The following PRAM1 variants were observed in gnomAD, a reference collection of about 807,000 sequenced individuals.
PRAM1 encodes the protein PML-RARA regulated adaptor molecule 1, also known as PML-RARA-regulated adapter molecule 1.
A neutral mutation model predicts 55.3 loss-of-function variants in PRAM1; 41 were observed. The ratio of observed to expected loss-of-function variants is 0.74; its 90% CI spans 0.58 to 0.96. The LOEUF (loss-of-function observed/expected upper bound fraction) is 0.96. Ranked by LOEUF, PRAM1 falls within the 40% of genes least tolerant of loss-of-function variation. PRAM1 has a pLI of 0.00. For synonymous variants in PRAM1, 401 were observed against 387.1 expected, an observed-to-expected ratio of 1.04 and a Z score of -0.42; for missense variants, 898 against 892.7, an observed-to-expected ratio of 1.01 and a Z score of -0.08.
chr19:8,491,287 G>A, intron 4 of PRAM1, 130 bp from the exon 5 acceptor site: 1 of 953,164 alleles, frequency 1.0e-6, no homozygotes, highest in South Asian at 1.4e-5. Context: ...AGGCTGGAGT[G>A]CAATGGCACA....
rs115876394 is a variant in PRAM1 at position 8,499,403 on chromosome 19, C to G, written c.405G>C (p.Gly135=). The G allele has an allele frequency of 3.8e-3, 6,185 of 1,612,294 alleles. 219 individuals are homozygous for G. In the African/African-American group the frequency reaches 0.07, roughly 18 times the overall value. ...SDLSKKFPQL[G]ATPFPRKPLQ... ...GGGGCTTCCTTGGAAACGGAGTGGC[C>G]CCCAGCTGTGGGAACTTCTTGGAGA... Residue 135 remains glycine (G), a synonymous_variant, in exon 2 of 10, where the codon GGG becomes GGC. Coordinates refer to ENST00000423345, the MANE Select transcript of PRAM1 (RefSeq NM_032152.5).
intron 4 of PRAM1, 79 bp from the exon 5 acceptor site, chr19:8,491,236 T>G (rs1971625693): frequency 2.8e-6 from 4 of 1,436,754 alleles, no homozygotes; most frequent in Non-Finnish European, 3.8e-6. Flanking sequence ...TTTGTTTGTT[T>G]TTGTGTTTTT....
chr19:8,497,173 C>CTT (rs34873845), intron 4 of PRAM1, among the ~76,000 whole-genome samples: 5 of 118,874 alleles, frequency 4.2e-5, no homozygotes, highest in Non-Finnish European at 6.8e-5. Context: ...CCAAATCCTG[C>CTT]TTTTTTTTTT....
rs1609711 is a variant in PRAM1 at position 8,501,762 on chromosome 19, C to A, written c.27+803G>T. On this transcript the variant is annotated intron_variant, in intron 1 of 9. Coordinates refer to ENST00000423345, the MANE Select transcript of PRAM1 (RefSeq NM_032152.5). ...TCCCTCTCACACCGTCTCTGACATGCGGGCTGATGGTCAGGAATGCTCACA... is the reference window on the plus strand; with the variant it reads ...TCCCTCTCACACCGTCTCTGACATGAGGGCTGATGGTCAGGAATGCTCACA... 2.3e-3 allele frequency among the ~76,000 whole-genome samples: 357 copies of A among 152,258 alleles called. 1 individual carries two copies. Among genetic ancestry groups the A allele is most frequent in the African/African-American group, 8.1e-3 (336 of 41,550 alleles).
rs767211263 is a variant in PRAM1 at position 8,498,858 on chromosome 19, A to C, written c.950T>G (p.Leu317Arg). 7 of 1,607,894 alleles carry C rather than the reference A, an allele frequency of 4.4e-6. No individual in the cohort carries two copies. The African/African-American group carries it at 9.5e-5, about 22-fold the overall frequency. ...CTCGGGCTGCGGGGGCTTCTTGGAGAGCGCTTTGAATTCGGCCGGCCGCGG... is the reference window on the plus strand; with the variant it reads ...CTCGGGCTGCGGGGGCTTCTTGGAGCGCGCTTTGAATTCGGCCGGCCGCGG... ...KRPRPAEFKA[L>R]SKKPPQPELG... is the part of the protein sequence containing the mutation. Residue 317 changes from leucine (L) to arginine (R), a missense_variant, in exon 2 of 10, where the codon CTC becomes CGC. Leu to Arg is a moderately radical substitution (Grantham distance 102). Around this residue, in one of 4 missense-constraint regions of PRAM1, gnomAD observed 787 missense variants for 735.4 expected, o/e 1.07. Coordinates refer to ENST00000423345, the MANE Select transcript of PRAM1 (RefSeq NM_032152.5).
intron 4 of PRAM1, among the ~76,000 whole-genome samples, chr19:8,494,538 C>T (rs577806379): frequency 7.2e-5 from 11 of 152,312 alleles, no homozygotes; most frequent in East Asian, 1.9e-4. Flanking sequence ...CTCTGGCCCC[C>T]GCTGAAAGCC....
chr19:8,490,588 A>C lies in PRAM1; in HGVS notation c.1906+6T>G. The stretch of plus-strand genomic sequence containing the variant: ...CTCCCGGGGCTGCGGGGCCGGGCGC[A>C]CTCACATTTGCCTTTGGGGTCCCGG... On this transcript the variant is annotated splice_donor_region_variant and intron_variant, in intron 7 of 9. Coordinates refer to ENST00000423345, the MANE Select transcript of PRAM1 (RefSeq NM_032152.5). The surrounding 1 kb of genome is among the most constrained non-coding windows in gnomAD (Gnocchi z 7.3). 1 of 1,586,804 alleles carries C rather than the reference A, an allele frequency of 6.3e-7. No homozygotes were observed. The highest frequency in any genetic ancestry group is 8.6e-7 in the Non-Finnish European group (1 of 1,166,716).
At position 8,490,747 on chromosome 19, in the gene PRAM1, C is replaced by T; in HGVS notation, c.1753G>A (p.Glu585Lys). 6.2e-7 allele frequency: 1 copy of T among 1,609,650 alleles called. No homozygotes were observed. Among genetic ancestry groups the T allele is most frequent in the Non-Finnish European group, 8.5e-7 (1 of 1,179,716 alleles). The change falls in exon 7 of 10, where the codon GAG becomes AAG. Residue 585 changes from glutamate to lysine, a missense_variant. This residue lies in a region of PRAM1 where 787 missense variants were observed against 735.4 expected (regional missense o/e 1.07). Coordinates refer to ENST00000423345, the MANE Select transcript of PRAM1 (RefSeq NM_032152.5). This position sits in a 1 kb window ranked among gnomAD's most constrained non-coding sequence, Gnocchi z 7.3. The stretch of plus-strand genomic sequence containing the variant: ...ATCATCTTCGTGTGAACCACGATCT[C>T]CCCTTCAAACTGGGGCGCGAGATGT... ...EFRKKFKFEG[E>K]IVVHTKMMID...
At chr19:8,500,309 G>A (rs945002185) in intron 1 of PRAM1, among the ~76,000 whole-genome samples, 7 of 151,466 alleles carry the variant, frequency 4.6e-5, no homozygotes, top group East Asian at 2.0e-4. Context: ...AAACACATCC[G>A]GAATCCAACC....
chr19:8,494,776 C>T (rs527994452), intron 4 of PRAM1, among the ~76,000 whole-genome samples: 100 of 151,218 alleles, frequency 6.6e-4, no homozygotes, highest in African/African-American at 2.4e-3. Flanking sequence ...GGATTACAGG[C>T]GCCTGCTACC....
rs988243819 is a variant in PRAM1, at chr19:8,493,862, A to G, written c.1577-2705T>C. Among the ~76,000 whole-genome samples the G allele has an allele frequency of 5.3e-5, 8 of 151,878 alleles. No homozygotes were observed. Among genetic ancestry groups the G allele is most frequent in the African/African-American group, 1.9e-4 (8 of 41,406 alleles). On this transcript the variant is annotated intron_variant, in intron 4 of 9. Coordinates refer to ENST00000423345, the MANE Select transcript of PRAM1 (RefSeq NM_032152.5). This position sits in a 1 kb window ranked among gnomAD's most constrained non-coding sequence, Gnocchi z 4.1. ...GCCCAGGCTGGAGTGCAGAGGTGCA[A>G]TCTCGGCTCATTGCAGCCTCCATCT...
rs561836671 is a variant in PRAM1 at position 8,498,682 on chromosome 19, C to T, written c.1126G>A (p.Gly376Ser). The T allele has an allele frequency of 6.8e-6, 11 of 1,606,922 alleles. No individual in the cohort carries two copies. In the South Asian group the frequency reaches 1.0e-4, roughly 15 times the overall value. ...LKRHPQPEFF[G>S]DLPRKPPLPS... ...AGTGGAGGCTTTCGAGGGAGATCAC[C>T]GAAGAACTCAGGCTGCGGGTGTCTC... Residue 376 changes from glycine to serine, a missense_variant, in exon 2 of 10, where the codon GGT becomes AGT. Gly to Ser is a moderately conservative substitution (Grantham distance 56, BLOSUM62 0). This residue lies in a region of PRAM1 where 787 missense variants were observed against 735.4 expected (regional missense o/e 1.07). Coordinates refer to ENST00000423345, the MANE Select transcript of PRAM1 (RefSeq NM_032152.5).
Position 8,499,761 on chromosome 19 carries a change from CG to C in PRAM1, c.46del (p.Arg16GlyfsTer29), listed in dbSNP as rs1427794576. On this transcript the variant is annotated frameshift_variant, in exon 2 of 10. Transcript: ENST00000423345. LOFTEE classifies it high-confidence loss of function. ...GGCCTGGAACTTTGCTTTGATGCTC[CG>C]GAAGTCCTGATGGCTCTCCTAGGAG... ...PAAMESHQDF[R>X]SIKAKFQASQ... is the part of the protein sequence containing the mutation. 1.9e-6 allele frequency: 3 copies of C among 1,607,228 alleles called. No homozygotes were observed. Among genetic ancestry groups the C allele is most frequent in the Non-Finnish European group, 2.5e-6 (3 of 1,177,024 alleles).
intron 4 of PRAM1, among the ~76,000 whole-genome samples, chr19:8,496,417 CAAAAAAA>C (rs1388635704): frequency 7.3e-5 from 11 of 150,348 alleles, no homozygotes; most frequent in African/African-American, 2.5e-4. Context: ...ACTGTGTCTC[CAAAAAAA>C]TAAAAAATAA....
Position 8,499,003 on chromosome 19 carries a change from A to G in PRAM1, c.805T>C (p.Phe269Leu). The G allele has an allele frequency of 1.2e-6, 2 of 1,613,300 alleles. No individual in the cohort carries two copies. Among genetic ancestry groups the G allele is most frequent in the Non-Finnish European group, 1.7e-6 (2 of 1,179,698 alleles). ...GGAGGCTGGGAGGCCTTTTTGGGAA[A>G]GGCGCTGGAGTCGCGCTTCGGCTCG... ...SSEPKRDSSAFPKKASQPPLS... is the reference protein window; with the variant it reads ...SSEPKRDSSALPKKASQPPLS... The change falls in exon 2 of 10, where the codon TTT (phenylalanine) becomes CTT (leucine). Residue 269 changes from phenylalanine (F) to leucine (L), a missense_variant. Coordinates refer to ENST00000423345, the MANE Select transcript of PRAM1 (RefSeq NM_032152.5).
intron 1 of PRAM1, among the ~76,000 whole-genome samples, chr19:8,501,157 G>A (rs953764891): frequency 4.7e-5 from 7 of 148,888 alleles, no homozygotes; most frequent in African/African-American, 1.7e-4. Flanking sequence ...GGAATGCAGT[G>A]GTGGAATCTC....
rs569364871 is a variant in PRAM1, at chr19:8,498,344, C to T, written c.1432+32G>A. On this transcript the variant is annotated intron_variant, in intron 2 of 9. Coordinates refer to ENST00000423345, the MANE Select transcript of PRAM1 (RefSeq NM_032152.5). The stretch of plus-strand genomic sequence containing the variant: ...CGGCACTGCCTGGGACCTCAGCCCC[C>T]GCTCCTGCCGGTGCCGCCCGCCCTC... 1.3e-5 allele frequency: 20 copies of T among 1,588,830 alleles called. No individual in the cohort carries two copies. The East Asian group carries it at 1.8e-4, about 15-fold the overall frequency.
At position 8,499,100 on chromosome 19, in the gene PRAM1, G is replaced by A. The variant is rs555121281; in HGVS notation, c.708C>T (p.Leu236=). 6 of 1,613,678 alleles carry A rather than the reference G, an allele frequency of 3.7e-6. No homozygotes were observed. The South Asian group carries it at 5.5e-5, about 15-fold the overall frequency. ...KKPPQPQVGG[L]PKKSVPQPEF... is the part of the protein sequence containing the mutation. Reference sequence around the variant, plus strand: ...CAGGCTGCGGCACGGACTTCTTAGGGAGGCCACCGACCTGAGGCTGCGGAG... The same window carrying A: ...CAGGCTGCGGCACGGACTTCTTAGGAAGGCCACCGACCTGAGGCTGCGGAG... Residue 236 remains leucine, a synonymous_variant, in exon 2 of 10, where the codon CTC becomes CTT. Transcript: ENST00000423345.
At chr19:8,494,190 G>C (rs1432119342) in intron 4 of PRAM1, among the ~76,000 whole-genome samples, 3 of 152,204 alleles carry the variant, frequency 2.0e-5, no homozygotes, top group Non-Finnish European at 4.4e-5. Flanking sequence ...CAAGGGTGGG[G>C]ACTGTATGAA....
Sources: allele counts gnomAD v4.1 joint callset (sites outside exome capture counted in the v4.1 genomes callset), GRCh38; gene constraint gnomAD v4.1.1; regional missense constraint gnomAD v4.1.1; non-coding constraint Gnocchi (gnomAD v3.1); transcripts MANE v1.5; gene names NCBI Gene and HGNC (gene_info 2026-07-23, HGNC 2026-07-21).